The following ZNF236 variants were observed in gnomAD, a reference collection of about 807,000 sequenced individuals.
ZNF236 encodes the protein zinc finger protein 236.
Under a neutral mutation model 191.2 loss-of-function variants are expected in ZNF236, and 50 were observed. The observed-to-expected ratio is 0.26, with a 90% CI of 0.21 to 0.33. The LOEUF is 0.33. Ranked by LOEUF, ZNF236 falls within the 10% of genes least tolerant of loss-of-function variation. The probability of loss-of-function intolerance (pLI) is 1.00; values close to 1 mark genes in which losing one functional copy is unlikely to be tolerated. For synonymous variants in ZNF236, 907 were observed against 928.8 expected, an observed-to-expected ratio of 0.98 and a Z score of 0.43; for missense variants, 1,754 against 2,374.5, an observed-to-expected ratio of 0.74 and a Z score of 5.43.
rs1390515197 is a variant in ZNF236 at position 76,937,169 on chromosome 18, A to T, written c.4608A>T (p.Thr1536=). 1 of 1,614,006 alleles carries T rather than the reference A, an allele frequency of 6.2e-7. No homozygotes were observed. The highest frequency in any genetic ancestry group is 2.2e-5 in the East Asian group (1 of 44,882). ...ITLTISELNT[T]SGSLPSTTPM... ...CCTCTTTTGTAGAACTTAACACTAC[A>T]AGCGGAAGCCTTCCTTCAACAACAC... Residue 1536 remains threonine, a synonymous_variant, in exon 26 of 31, where the codon ACA becomes ACT. Coordinates refer to ENST00000320610, the MANE Select transcript of ZNF236 (RefSeq NM_001306089.2).
intron 13 of ZNF236, 132 bp downstream of exon 13, chr18:76,905,547 A>T: frequency 6.0e-4 from 10 of 16,534 alleles, no homozygotes; most frequent in African/African-American, 1.9e-3. Context: ...GGGCTCAAGA[A>T]AAAAAAAAAA....
At chr18:76,871,898 C>A in intron 5 of ZNF236, 73 bp downstream of exon 5, 1 of 1,567,798 alleles carries the variant, frequency 6.4e-7, no homozygotes, top group South Asian at 1.1e-5. Flanking sequence ...TTTGCTAGCT[C>A]GACTTGGAAT....
chr18:76,882,643 GA>G (rs1365085585), intron 9 of ZNF236, among the ~76,000 whole-genome samples: 2 of 152,150 alleles, frequency 1.3e-5, no homozygotes, highest in Non-Finnish European at 2.9e-5. Context: ...TTCTTTCCTA[GA>G]ATACATTTTC....
intron 1 of ZNF236, among the ~76,000 whole-genome samples, chr18:76,837,364 G>A (rs1975364415): frequency 6.6e-6 from 1 of 151,092 alleles, no homozygotes; most frequent in Non-Finnish European, 1.5e-5. Flanking sequence ...TTAAATTGAA[G>A]TCTTTGATCT....
chr18:76,934,362 A>G (rs916268030), intron 25 of ZNF236, among the ~76,000 whole-genome samples: 3 of 152,236 alleles, frequency 2.0e-5, no homozygotes, highest in African/African-American at 7.2e-5. Context: ...AAGTGATCCC[A>G]TAGAATGTAA....
intron 2 of ZNF236, 62 bp downstream of exon 2, chr18:76,849,730 TGAACAAGTAAA>T: frequency 7.2e-7 from 1 of 1,392,022 alleles, no homozygotes; most frequent in South Asian, 1.8e-5. Context: ...ATTGTAAAAA[TGAACAAGTAAA>T]ATCAAAACTT....
At chr18:76,926,920 TA>T (rs1472433407) in intron 22 of ZNF236, 116 bp from the exon 23 acceptor site, 14 of 1,213,360 alleles carry the variant, frequency 1.2e-5, no homozygotes, top group Non-Finnish European at 1.5e-5. Context: ...AACAACATTG[TA>T]TTGACATAAT....
At position 76,972,016 on chromosome 18, in the gene ZNF236, C is replaced by G. The variant is rs1184443121; in HGVS notation, c.*3677C>G. Reference sequence around the variant, plus strand: ...CCTACTGCATAGGAAGTAAGTGAGGCAGAGATGAGATTATGCGGCGGATAC... The same window carrying G: ...CCTACTGCATAGGAAGTAAGTGAGGGAGAGATGAGATTATGCGGCGGATAC... On this transcript the variant is annotated 3_prime_UTR_variant, in exon 31 of 31. Transcript: ENST00000320610. Among the ~76,000 whole-genome samples the G allele has an allele frequency of 1.3e-5, 2 of 152,198 alleles. No individual in the cohort carries two copies. The highest frequency in any genetic ancestry group is 2.9e-5 in the Non-Finnish European group (2 of 68,030).
chr18:76,864,391 C>T (rs1029224927), intron 3 of ZNF236, among the ~76,000 whole-genome samples: 2 of 151,510 alleles, frequency 1.3e-5, no homozygotes, highest in South Asian at 2.1e-4. Context: ...GTAGAGATGG[C>T]GTTTCACCTT....
chr18:76,846,002 C>T (rs929007527), intron 1 of ZNF236, among the ~76,000 whole-genome samples: 4 of 152,168 alleles, frequency 2.6e-5, no homozygotes, highest in Non-Finnish European at 5.9e-5. Flanking sequence ...TGTGTGGAGA[C>T]GTGTGCATAT....
intron 1 of ZNF236, among the ~76,000 whole-genome samples, chr18:76,832,215 G>T (rs1263299608): frequency 6.6e-6 from 1 of 152,044 alleles, no homozygotes; most frequent in Non-Finnish European, 1.5e-5. Flanking sequence ...GAGTAGCTCA[G>T]ATTACAGGTG....
chr18:76,859,646 T>C (rs1202144903), intron 3 of ZNF236, among the ~76,000 whole-genome samples: 1 of 152,132 alleles, frequency 6.6e-6, no homozygotes, highest in African/African-American at 2.4e-5. Context: ...CACAAAGACA[T>C]GATGTTATTG....
At chr18:76,894,670 C>T (rs1190609498) in intron 9 of ZNF236, among the ~76,000 whole-genome samples, 1 of 152,056 alleles carries the variant, frequency 6.6e-6, no homozygotes, top group East Asian at 1.9e-4. Context: ...CAGTGTCATT[C>T]CTTCTCTTCT....
chr18:76,904,576 C>T (rs1357143800), intron 12 of ZNF236, 55 bp downstream of exon 12: 5 of 1,496,924 alleles, frequency 3.3e-6, no homozygotes, highest in Non-Finnish European at 4.5e-6. Flanking sequence ...GACTTAGTGA[C>T]CTGATGACGT....
chr18:76,824,527 A>G, intron 1 of ZNF236: 1 of 765,102 alleles, frequency 1.3e-6, no homozygotes, highest in Non-Finnish European at 2.4e-6. Context: ...CCTTGACCTT[A>G]TTTCGTTAGT....
rs1399878805 is a variant in ZNF236 at position 76,908,696 on chromosome 18, AAG to A, written c.2551+127_2551+128del. The A allele has an allele frequency of 2.4e-6, 3 of 1,270,848 alleles. No individual in the cohort carries two copies. The Admixed American group carries it at 7.0e-5, about 30-fold the overall frequency. 78.7% of individuals were successfully genotyped at this position (1,270,848 alleles called of 1,614,324 possible). On this transcript the variant is annotated intron_variant, in intron 14 of 30. Coordinates refer to ENST00000320610, the MANE Select transcript of ZNF236 (RefSeq NM_001306089.2). ...TTAAAACAATTTGTGCTGTATGTGA[AAG>A]AGATTGAATTGAGTATTTGATATCA...
intron 26 of ZNF236, among the ~76,000 whole-genome samples, chr18:76,946,520 C>G (rs1374934300): frequency 6.6e-6 from 1 of 152,212 alleles, no homozygotes; most frequent in African/African-American, 2.4e-5. Context: ...CACCTTAAAG[C>G]ACAGGAGCCA....
chr18:76,831,602 T>G (rs1975169645), intron 1 of ZNF236, among the ~76,000 whole-genome samples: 1 of 152,192 alleles, frequency 6.6e-6, no homozygotes, highest in Non-Finnish European at 1.5e-5. Context: ...TAGTTTTTTC[T>G]AACAGGCTGC....
intron 22 of ZNF236, among the ~76,000 whole-genome samples, chr18:76,926,675 ATATGGTATAAAGAGTGATTAGACTGTGTG>A (rs1568233778): frequency 8.2e-5 from 1 of 12,220 alleles, no homozygotes; most frequent in Non-Finnish European, 2.1e-4. Flanking sequence ...GTGTGTGTAT[ATATGGTATAAAGAGTGATTAGACTGTGTG>A]TATGGTATAA....
Sources: allele counts gnomAD v4.1 joint callset (sites outside exome capture counted in the v4.1 genomes callset), GRCh38; gene constraint gnomAD v4.1.1; transcripts MANE v1.5; gene names NCBI Gene and HGNC (gene_info 2026-07-23, HGNC 2026-07-21).